ERG: variants seen among roughly 807,000 people sequenced by gnomAD.
The protein encoded by ERG is ETS transcription factor ERG.
Under a neutral mutation model 55.3 loss-of-function variants are expected in ERG, and 9 were observed. The observed-to-expected ratio is 0.16, with a 90% CI of 0.10 to 0.28. The LOEUF (loss-of-function observed/expected upper bound fraction) is 0.28. ERG is among the 10% of genes least tolerant of loss of function. ERG has a pLI of 1.00. For synonymous variants in ERG, 223 were observed against 237.3 expected (o/e 0.94, Z 0.55); for missense variants, 434 against 631.6 (o/e 0.69, Z 3.35).
At chr21:38,367,363 G>A in the ERG span, among the ~76,000 whole-genome samples, 1 of 152,190 alleles carries the variant, frequency 6.6e-6, no homozygotes, top group Non-Finnish European at 1.5e-5. Flanking sequence ...GTGGGTGGCT[G>A]GTGGCTCAGG....
intron 1 of ERG, among the ~76,000 whole-genome samples, chr21:38,594,561 A>G (rs1264260721): frequency 6.6e-6 from 1 of 152,180 alleles, no homozygotes; most frequent in African/African-American, 2.4e-5. Context: ...CATGCCTTGC[A>G]GGAGAGGAAG....
intron 2 of ERG, among the ~76,000 whole-genome samples, chr21:38,434,103 A>G (rs1273679428): frequency 6.6e-6 from 1 of 152,000 alleles, no homozygotes; most frequent in Non-Finnish European, 1.5e-5. Context: ...CCCTCCCTAG[A>G]TTCTCCTCAG....
At chr21:38,415,305 C>T (rs906294651) in intron 3 of ERG, among the ~76,000 whole-genome samples, 20 of 152,224 alleles carry the variant, frequency 1.3e-4, no homozygotes, top group African/African-American at 4.8e-4. Context: ...TGAGATAATG[C>T]CTTTTCTACA....
At chr21:38,634,721 T>C (rs2060377956) in intron 1 of ERG, among the ~76,000 whole-genome samples, 1 of 152,254 alleles carries the variant, frequency 6.6e-6, no homozygotes, top group African/African-American at 2.4e-5. Flanking sequence ...CTTATTCTAT[T>C]AAAAATAGTC....
intron 3 of ERG, among the ~76,000 whole-genome samples, chr21:38,413,992 C>T (rs1350439132): frequency 6.6e-6 from 1 of 152,146 alleles, no homozygotes; most frequent in Non-Finnish European, 1.5e-5. Context: ...TAACCAAGTA[C>T]CACAAAATGT....
intron 1 of ERG, among the ~76,000 whole-genome samples, chr21:38,455,869 C>CA (rs2058983970): frequency 7.5e-6 from 1 of 134,126 alleles, no homozygotes; most frequent in South Asian, 2.7e-4. Context: ...TTGGTACGGT[C>CA]CCCCCCCTCC....
chr21:38,632,725 T>C (rs1487015226), intron 1 of ERG, among the ~76,000 whole-genome samples: 1 of 152,234 alleles, frequency 6.6e-6, no homozygotes, highest in Admixed American at 6.5e-5. Flanking sequence ...ATTAAACCTC[T>C]TTCCTTTATA....
At chr21:38,626,398 G>A (rs940491676) in intron 1 of ERG, among the ~76,000 whole-genome samples, 1 of 152,178 alleles carries the variant, frequency 6.6e-6, no homozygotes, top group Non-Finnish European at 1.5e-5. Context: ...AGTAAGAAGG[G>A]CTTGTAAAAT....
intron 2 of ERG, among the ~76,000 whole-genome samples, chr21:38,515,400 CA>C: frequency 6.6e-6 from 1 of 151,880 alleles, no homozygotes; most frequent in South Asian, 2.1e-4. Flanking sequence ...TTAAACAGAC[CA>C]ATAACAAGTA....
In ERG at chr21:38,450,192, C is replaced by T. The variant is rs2058927927; in HGVS notation, c.19-4571G>A. Reference sequence around the variant, plus strand: ...GGGTCATGAGTTCAGGAGATCGAGACCATACAAAAATCCAAAAAAAAAACA... The same window carrying T: ...GGGTCATGAGTTCAGGAGATCGAGATCATACAAAAATCCAAAAAAAAAACA... On this transcript the variant is annotated intron_variant, in intron 1 of 9. Transcript: ENST00000288319. Among the ~76,000 whole-genome samples, 6 of 134,934 alleles carry T rather than the reference C, an allele frequency of 4.4e-5. No homozygotes were observed. The South Asian group carries it at 1.3e-3, about 29-fold the overall frequency. 88.5% of individuals were successfully genotyped at this position (134,934 alleles called of 152,430 possible).
intron 2 of ERG, among the ~76,000 whole-genome samples, chr21:38,514,937 AT>A (rs1220696861): frequency 6.6e-6 from 1 of 152,064 alleles, no homozygotes. Context: ...AGTTTTATAT[AT>A]CAGCATAAAC....
At chr21:38,469,168 T>C (rs1232181707) in intron 1 of ERG, among the ~76,000 whole-genome samples, 1 of 151,918 alleles carries the variant, frequency 6.6e-6, no homozygotes, top group African/African-American at 2.4e-5. Context: ...AGTCAGAGAA[T>C]CCAAGCAACT....
At chr21:38,585,558 T>TTTTTTTTTTTTTTTTC (rs2060058811), upstream of ERG, among the ~76,000 whole-genome samples, 1 of 143,292 alleles carries the variant, frequency 7.0e-6, no homozygotes, top group Non-Finnish European at 1.5e-5. Flanking sequence ...TTTTTTTTTT[T>TTTTTTTTTTTTTTTTC]AGATACAGGA....
intron 1 of ERG, among the ~76,000 whole-genome samples, chr21:38,652,771 C>T (rs1311392791): frequency 1.3e-5 from 2 of 152,210 alleles, no homozygotes; most frequent in African/African-American, 2.4e-5. Context: ...TCTCCCTGCT[C>T]GGGAACATCT....
In ERG at chr21:38,455,871, C is replaced by T. The variant is rs151195855; in HGVS notation, c.19-10250G>A. 8.4e-4 allele frequency among the ~76,000 whole-genome samples: 124 copies of T among 148,088 alleles called. 3 individuals carry two copies. The highest frequency in any genetic ancestry group is 2.8e-3 in the African/African-American group (112 of 40,720). On this transcript the variant is annotated intron_variant, in intron 1 of 9. Coordinates refer to ENST00000288319, the MANE Select transcript of ERG (RefSeq NM_182918.4). ...ATTTTTTAAATAATTGGTACGGTCC[C>T]CCCCCTCCCCACAGACAGGTGTGTC...
intron 2 of ERG, among the ~76,000 whole-genome samples, chr21:38,551,195 C>T (rs1296371610): frequency 1.3e-5 from 2 of 151,160 alleles, no homozygotes; most frequent in African/African-American, 4.9e-5. Context: ...TGGTAATGTC[C>T]CCTTTGTCAT....
In ERG at chr21:38,514,712, C is replaced by T. The variant is rs75700884; in HGVS notation, c.-41+60950G>A. On this transcript the variant is annotated intron_variant, in intron 2 of 8. Coordinates refer to the ERG transcript ENST00000398897. Reference sequence around the variant, plus strand: ...AAGACAAAGAAGCCCCACATATTACCGCATTTGTCTGAAATTGAATTGGCA... The same window carrying T: ...AAGACAAAGAAGCCCCACATATTACTGCATTTGTCTGAAATTGAATTGGCA... Among the ~76,000 whole-genome samples the T allele has an allele frequency of 2.5e-3, 377 of 151,878 alleles. 7 individuals carry two copies. In the East Asian group the frequency reaches 0.049, roughly 20 times the overall value.
At chr21:38,605,827 AGAT>A (rs903647473) in intron 1 of ERG, among the ~76,000 whole-genome samples, 3 of 150,316 alleles carry the variant, frequency 2.0e-5, no homozygotes, top group African/African-American at 7.5e-5. Context: ...CAGCCCAGAT[AGAT>A]GATAGATAGA....
chr21:38,415,592 C>T (rs140174598), intron 3 of ERG, among the ~76,000 whole-genome samples: 2 of 152,140 alleles, frequency 1.3e-5, no homozygotes, highest in African/African-American at 2.4e-5. Context: ...AAGAGATCCT[C>T]GGGTGTGTTC....
Sources: allele counts gnomAD v4.1 joint callset (sites outside exome capture counted in the v4.1 genomes callset), GRCh38; gene constraint gnomAD v4.1.1; transcripts MANE v1.5; gene names NCBI Gene and HGNC (gene_info 2026-07-23, HGNC 2026-07-21).